LRRC66: variants seen among roughly 807,000 people sequenced by gnomAD.
LRRC66 encodes the protein leucine-rich repeat-containing protein 66.
Under a neutral mutation model 24.6 loss-of-function variants are expected in LRRC66, and 29 were observed. The observed-to-expected ratio is 1.18, with a 90% CI of 0.88 to 1.61. The LOEUF (loss-of-function observed/expected upper bound fraction) is 1.61. Ranked by LOEUF, LRRC66 falls within the 40% of genes most tolerant of loss-of-function variation. The pLI is 0.00. For synonymous variants in LRRC66, 411 were observed against 397.6 expected, an observed-to-expected ratio of 1.03 and a Z score of -0.40; for missense variants, 1,124 against 1,058.0, an observed-to-expected ratio of 1.06 and a Z score of -0.87.
chr4:52,018,362 T>C (rs1353193087), intron 1 of LRRC66: 2 of 984,648 alleles, frequency 2.0e-6, no homozygotes, highest in Non-Finnish European at 2.4e-6. Context: ...TGGCTGAATG[T>C]ATCACAAAAA....
chr4:52,006,984 G>A (rs1736602546), intron 2 of LRRC66, among the ~76,000 whole-genome samples: 1 of 152,024 alleles, frequency 6.6e-6, no homozygotes, highest in Non-Finnish European at 1.5e-5. Context: ...CTTTAACCAT[G>A]CCCATCTTTT....
At chr4:52,016,696 C>T (rs1736819892) in intron 2 of LRRC66, among the ~76,000 whole-genome samples, 1 of 151,860 alleles carries the variant, frequency 6.6e-6, no homozygotes, top group East Asian at 1.9e-4. Flanking sequence ...TAGACTGAGG[C>T]AAAATGTACT....
At position 52,017,200 on chromosome 4, in the gene LRRC66, G is replaced by C; in HGVS notation, c.414C>G (p.Arg138=). The C allele has an allele frequency of 6.2e-7, 1 of 1,614,136 alleles. No individual in the cohort carries two copies. The highest frequency in any genetic ancestry group is 8.5e-7 in the Non-Finnish European group (1 of 1,180,000). Residue 138 remains arginine (R), a synonymous_variant, in exon 2 of 5, where the codon CGC becomes CGG. Transcript: ENST00000682860. ...LLSPKSSWVK[R]HRSSFRNRFP... ...ACCTGTTTCTGAAGCTGCTTCTGTG[G>C]CGTTTCACCCATGAGGACTTAGGAC...
At chr4:52,005,986 T>C (rs1736574179) in intron 2 of LRRC66, among the ~76,000 whole-genome samples, 1 of 152,238 alleles carries the variant, frequency 6.6e-6, no homozygotes, top group Admixed American at 6.5e-5. Flanking sequence ...AAGACACCAA[T>C]ATGAAAGAAG....
intron 2 of LRRC66, among the ~76,000 whole-genome samples, chr4:52,008,412 C>T (rs1188904003): frequency 6.6e-6 from 1 of 150,864 alleles, no homozygotes; most frequent in Non-Finnish European, 1.5e-5. Context: ...AGTTAAGGCA[C>T]ATATAAATAA....
At chr4:52,003,938 G>GTTTCCTCTATT (rs1736514998) in intron 2 of LRRC66, among the ~76,000 whole-genome samples, 1 of 152,054 alleles carries the variant, frequency 6.6e-6, no homozygotes, top group Non-Finnish European at 1.5e-5. Flanking sequence ...CTAAACAATA[G>GTTTCCTCTATT]AGGAAAAAAA....
Position 51,994,096 on chromosome 4 carries a change from T to A in LRRC66, c.*283A>T. ...TTGTTTGGAGCTCTTGTAATAATGG[T>A]GCATGGTTCTTGGAATGATCTCAAA... On this transcript the variant is annotated 3_prime_UTR_variant, in exon 5 of 5. Transcript: ENST00000682860. 1 of 331,326 alleles carries A rather than the reference T, an allele frequency of 3.0e-6. No individual in the cohort carries two copies. Among genetic ancestry groups the A allele is most frequent in the Non-Finnish European group, 5.5e-6 (1 of 182,650 alleles). 20.5% of individuals were successfully genotyped at this position (331,326 alleles called of 1,614,324 possible). A position where few individuals can be genotyped will look rare whatever the true frequency, so the allele number is the denominator to read the frequency against.
At chr4:52,010,721 G>A (rs1736681715) in intron 2 of LRRC66, among the ~76,000 whole-genome samples, 1 of 152,160 alleles carries the variant, frequency 6.6e-6, no homozygotes, top group South Asian at 2.1e-4. Context: ...GGGCACCTAG[G>A]TTGATTCCAT....
chr4:52,006,725 T>C (rs981405150), intron 2 of LRRC66, among the ~76,000 whole-genome samples: 9 of 7,834 alleles, frequency 1.1e-3, no homozygotes, highest in Non-Finnish European at 2.0e-3. Context: ...ATAATAATAA[T>C]AAAGAAAAAA....
intron 2 of LRRC66, among the ~76,000 whole-genome samples, chr4:52,006,598 G>A (rs1289703249): frequency 6.7e-6 from 1 of 149,600 alleles, no homozygotes; most frequent in Non-Finnish European, 1.5e-5. Context: ...TATACCTAAT[G>A]CTAGATGACG....
intron 2 of LRRC66, among the ~76,000 whole-genome samples, chr4:52,010,374 G>A (rs1221444529): frequency 6.6e-6 from 1 of 152,034 alleles, no homozygotes; most frequent in Non-Finnish European, 1.5e-5. Context: ...TGTTACACAG[G>A]TATATTGCCT....
chr4:51,994,742 T>G lies in LRRC66; in HGVS notation c.2280A>C (p.Gln760His), dbSNP rs1452518551. 6.2e-7 allele frequency: 1 copy of G among 1,614,210 alleles called. No individual in the cohort carries two copies. Among genetic ancestry groups the G allele is most frequent in the African/African-American group, 1.3e-5 (1 of 75,062 alleles). The change falls in exon 5 of 5, where the codon CAA (glutamine) becomes CAC (histidine). Residue 760 changes from glutamine to histidine, a missense_variant. Physicochemically the swap from Gln to His is conservative, Grantham distance 24. Coordinates refer to ENST00000682860, the MANE Select transcript of LRRC66 (RefSeq NM_001024611.3). ...GATTCTTGCATTTCCCTGGAATTGT[T>G]TGGAAGGTAACATTTTCCTCAAGAC... The part of the protein sequence containing the change: ...VDSLEENVTF[Q>H]TIPGKCKNQE...
rs1736258417 is a variant in LRRC66, at chr4:51,994,918, C to T, written c.2104G>A (p.Asp702Asn). 1 of 1,614,162 alleles carries T rather than the reference C, an allele frequency of 6.2e-7. No homozygotes were observed. Among genetic ancestry groups the T allele is most frequent in the Non-Finnish European group, 8.5e-7 (1 of 1,180,050 alleles). ...AGAGACCCCTCATCAGAGTCACAGT[C>T]ACTCTCCAACTCACAGCAAGTGTCA... ...PSDTCCELESDCDSDEGSLFT... is the reference protein window; with the variant it reads ...PSDTCCELESNCDSDEGSLFT... Residue 702 changes from aspartate to asparagine, a missense_variant, in exon 5 of 5, where the codon GAC (aspartate) becomes AAC (asparagine). Physicochemically the swap from Asp to Asn is conservative, Grantham distance 23. Transcript: ENST00000682860.
Position 51,997,773 on chromosome 4 carries a change from C to A in LRRC66, c.831G>T (p.Trp277Cys), listed in dbSNP as rs1292527339. ...CTATAGACCTGTTGCAAATGACATT[C>A]CACTTTTTCCTCCAGGATTCAGAAA... ...NFISESWRKK[W>C]NVICNRSIGS... Residue 277 changes from tryptophan (W) to cysteine (C), a missense_variant, in exon 4 of 5, where the codon TGG becomes TGT. Trp to Cys is a radical substitution (Grantham distance 215). Coordinates refer to ENST00000682860, the MANE Select transcript of LRRC66 (RefSeq NM_001024611.3). 1 of 1,613,958 alleles carries A rather than the reference C, an allele frequency of 6.2e-7. No homozygotes were observed. The highest frequency in any genetic ancestry group is 8.5e-7 in the Non-Finnish European group (1 of 1,179,912).
In LRRC66 at chr4:52,005,536, G is replaced by A. The variant is rs150457204; in HGVS notation, c.497-2144C>T. 1.4e-4 allele frequency among the ~76,000 whole-genome samples: 21 copies of A among 151,428 alleles called. No homozygotes were observed. The East Asian group carries it at 2.7e-3, about 20-fold the overall frequency. On this transcript the variant is annotated intron_variant, in intron 2 of 4. Coordinates refer to ENST00000682860, the MANE Select transcript of LRRC66 (RefSeq NM_001024611.3). ...CGGGAGGCAGGGGCTGCAGTGAGCC[G>A]AGATCCATGCCACTGTACTCCAGCT...
chr4:52,002,026 A>G (rs1448299039), intron 3 of LRRC66, among the ~76,000 whole-genome samples: 1 of 152,246 alleles, frequency 6.6e-6, no homozygotes, highest in Non-Finnish European at 1.5e-5. Flanking sequence ...AACAGATATC[A>G]TGTATGTCCT....
chr4:51,997,123 T>C (rs570519848), intron 4 of LRRC66, among the ~76,000 whole-genome samples: 1 of 152,060 alleles, frequency 6.6e-6, no homozygotes, highest in Non-Finnish European at 1.5e-5. Context: ...AGATATGAGG[T>C]TGAGATTTAG....
At chr4:51,998,536 A>G (rs1010374601) in intron 3 of LRRC66, among the ~76,000 whole-genome samples, 1 of 152,232 alleles carries the variant, frequency 6.6e-6, no homozygotes, top group Admixed American at 6.5e-5. Context: ...ACAGGCACGC[A>G]CCTGACCTCA....
chr4:52,006,745 CAAA>C (rs1336067595), intron 2 of LRRC66, among the ~76,000 whole-genome samples: 4 of 143,316 alleles, frequency 2.8e-5, no homozygotes, highest in African/African-American at 7.6e-5. Context: ...AAAACAAAAA[CAAA>C]AAAACAAAAA....
Sources: gnomAD v4.1 joint callset for allele counts (sites outside exome capture counted in the v4.1 genomes callset) on GRCh38, gnomAD v4.1.1 for gene constraint, MANE v1.5 for transcripts, NCBI Gene and HGNC (gene_info 2026-07-23, HGNC 2026-07-21) for gene names.